The following GPR158 variants were observed in gnomAD, a reference collection of about 807,000 sequenced individuals.
GPR158 encodes G protein-coupled receptor 158, also known as metabotropic glycine receptor.
A neutral mutation model predicts 78.2 loss-of-function variants in GPR158; 30 were observed. The ratio of observed to expected loss-of-function variants is 0.38; its 90% CI spans 0.29 to 0.52. The LOEUF is 0.52. Ranked by LOEUF, GPR158 falls within the 20% of genes least tolerant of loss-of-function variation. The pLI is 0.83. For synonymous variants in GPR158, 581 were observed against 591.1 expected (o/e 0.98, Z 0.25); for missense variants, 1,463 against 1,523.5 (o/e 0.96, Z 0.66).
At position 25,600,442 on chromosome 10, in the gene GPR158, AC is replaced by A. The variant is rs1564502863; in HGVS notation, c.*1169del. The A allele has an allele frequency of 2.6e-5, 4 of 152,342 alleles. No homozygotes were observed. The allele number at this position is 152,342 out of a possible 1,614,324, so 9.4% of individuals were successfully genotyped here. Reference sequence around the variant, plus strand: ...CAGGAAGTTTGCCTTTCAAAAAAAAACACAGGTAGCTCCTGATAGCACTTTC... The same window carrying A: ...CAGGAAGTTTGCCTTTCAAAAAAAAAACAGGTAGCTCCTGATAGCACTTTC... On this transcript the variant is annotated 3_prime_UTR_variant, in exon 11 of 11. Coordinates refer to ENST00000376351, the MANE Select transcript of GPR158 (RefSeq NM_020752.3).
chr10:25,374,301 G>A (rs1029855055), intron 2 of GPR158, among the ~76,000 whole-genome samples: 18 of 151,270 alleles, frequency 1.2e-4, no homozygotes, highest in Non-Finnish European at 1.9e-4. Context: ...AAGATATAGA[G>A]GGAGGTTTTC....
chr10:25,287,240 T>C (rs964739968), intron 2 of GPR158, among the ~76,000 whole-genome samples: 1 of 152,112 alleles, frequency 6.6e-6, no homozygotes, highest in Non-Finnish European at 1.5e-5. Context: ...GAGTTTTCTT[T>C]CCTTTTCTTT....
intron 6 of GPR158, among the ~76,000 whole-genome samples, chr10:25,551,375 G>A (rs1015455589): frequency 6.6e-6 from 1 of 152,154 alleles, no homozygotes; most frequent in Admixed American, 6.6e-5. Flanking sequence ...CTAGTTCAGA[G>A]CAGGAAGGAA....
At chr10:25,438,621 T>G (rs1305934578) in intron 4 of GPR158, among the ~76,000 whole-genome samples, 1 of 152,326 alleles carries the variant, frequency 6.6e-6, no homozygotes, top group Non-Finnish European at 1.5e-5. Flanking sequence ...CTAAAGATAC[T>G]CCTGAGGTCA....
Position 25,176,434 on chromosome 10 carries a change from C to A in GPR158, c.902+112C>A. 1.1e-6 allele frequency: 1 copy of A among 902,768 alleles called. No homozygotes were observed. Among genetic ancestry groups the A allele is most frequent in the Non-Finnish European group, 1.6e-6 (1 of 610,482 alleles). 55.9% of individuals were successfully genotyped at this position (902,768 alleles called of 1,614,324 possible). Reference sequence around the variant, plus strand: ...CCTTGGCTGTGACGCGAACGCTTCTCACCCTCAGAGTAGAGACCCGGGCTG... The same window carrying A: ...CCTTGGCTGTGACGCGAACGCTTCTAACCCTCAGAGTAGAGACCCGGGCTG... On this transcript the variant is annotated intron_variant, in intron 1 of 10. Transcript: ENST00000376351. The surrounding 1 kb of genome is among the most constrained non-coding windows in gnomAD (Gnocchi z 6.3).
intron 2 of GPR158, among the ~76,000 whole-genome samples, chr10:25,278,554 TTAGA>T (rs1052001396): frequency 6.6e-4 from 100 of 152,114 alleles, no homozygotes; most frequent in African/African-American, 2.1e-3. Flanking sequence ...ATGAAAATTC[TTAGA>T]TAAAGTGCTG....
At chr10:25,310,164 C>T (rs1051365339) in intron 2 of GPR158, among the ~76,000 whole-genome samples, 2 of 152,158 alleles carry the variant, frequency 1.3e-5, no homozygotes, top group Non-Finnish European at 2.9e-5. Flanking sequence ...ACTGTCCTTT[C>T]CCTGTTGAGT....
intron 3 of GPR158, among the ~76,000 whole-genome samples, chr10:25,400,862 A>G (rs1446447920): frequency 6.6e-6 from 1 of 152,188 alleles, no homozygotes; most frequent in Non-Finnish European, 1.5e-5. Flanking sequence ...CAGAAATGAC[A>G]ATCTCTACTT....
intron 2 of GPR158, among the ~76,000 whole-genome samples, chr10:25,388,786 G>T (rs1834254695): frequency 6.6e-6 from 1 of 152,230 alleles, no homozygotes; most frequent in African/African-American, 2.4e-5. Context: ...TTGCACTCTT[G>T]GGGGGCCTGG....
chr10:25,348,368 T>C (rs1323532938), intron 2 of GPR158, among the ~76,000 whole-genome samples: 4 of 146,092 alleles, frequency 2.7e-5, no homozygotes, highest in African/African-American at 1.0e-4. Context: ...TACAAAATAT[T>C]ACCCAGAAAT....
intron 1 of GPR158, among the ~76,000 whole-genome samples, chr10:25,190,694 G>A (rs1852761435): frequency 6.6e-6 from 1 of 152,156 alleles, no homozygotes; most frequent in Admixed American, 6.5e-5. Context: ...TAAATATTAA[G>A]AATGCTTAGA....
intron 2 of GPR158, among the ~76,000 whole-genome samples, chr10:25,327,116 A>G (rs1049030885): frequency 6.6e-6 from 1 of 152,194 alleles, no homozygotes; most frequent in African/African-American, 2.4e-5. Context: ...TTGCACCTTA[A>G]TAAAGCTGGA....
chr10:25,447,858 T>TAAAAA (rs5783932), intron 4 of GPR158, among the ~76,000 whole-genome samples: 2,302 of 151,666 alleles, frequency 0.015, 63 homozygotes, highest in African/African-American at 0.053. Flanking sequence ...GTCAGTTTAA[T>TAAAAA]AAATGCACAC....
At chr10:25,509,023 T>G (rs2130666776) in intron 5 of GPR158, among the ~76,000 whole-genome samples, 1 of 152,320 alleles carries the variant, frequency 6.6e-6, no homozygotes, top group South Asian at 2.1e-4. Flanking sequence ...GTTCAAGGAT[T>G]CTTAGCTTTG....
intron 4 of GPR158, among the ~76,000 whole-genome samples, chr10:25,436,760 T>G: frequency 6.6e-6 from 1 of 152,158 alleles, no homozygotes; most frequent in Admixed American, 6.5e-5. Context: ...GTACCAAAAC[T>G]TCCAAGAATC....
chr10:25,475,056 G>T (rs1020012172), intron 5 of GPR158, among the ~76,000 whole-genome samples: 6 of 152,102 alleles, frequency 3.9e-5, no homozygotes, highest in Non-Finnish European at 7.4e-5. Flanking sequence ...TGAAATAGAA[G>T]TACTCTAGAA....
intron 1 of GPR158, among the ~76,000 whole-genome samples, chr10:25,185,921 C>T (rs2130634344): frequency 6.6e-6 from 1 of 152,252 alleles, no homozygotes; most frequent in East Asian, 1.9e-4. Context: ...ACAGAATATA[C>T]ATTCTTCTCA....
intron 5 of GPR158, among the ~76,000 whole-genome samples, chr10:25,525,871 C>T (rs1028562164): frequency 1.3e-5 from 2 of 152,068 alleles, no homozygotes; most frequent in Admixed American, 6.6e-5. Flanking sequence ...CTTTGGGAGG[C>T]TGAAGTGGGT....
At chr10:25,221,545 C>T (rs1019055025) in intron 2 of GPR158, among the ~76,000 whole-genome samples, 3 of 152,120 alleles carry the variant, frequency 2.0e-5, no homozygotes, top group African/African-American at 7.2e-5. Flanking sequence ...AGACACACTG[C>T]TATCTGCTAG....
Sources: allele counts gnomAD v4.1 joint callset (sites outside exome capture counted in the v4.1 genomes callset), GRCh38; gene constraint gnomAD v4.1.1; non-coding constraint Gnocchi (gnomAD v3.1); transcripts MANE v1.5; gene names NCBI Gene and HGNC (gene_info 2026-07-23, HGNC 2026-07-21).